FMR1NB: variants seen among roughly 807,000 people sequenced by gnomAD.
FMR1NB encodes FMR1 neighbor protein.
Under a neutral mutation model 16.8 loss-of-function variants are expected in FMR1NB, and 10 were observed. The observed-to-expected ratio is 0.60, with a 90% confidence interval of 0.37 to 1.01. FMR1NB has a LOEUF of 1.01. Among genes scored for constraint, FMR1NB ranks in the 50% least tolerant of loss-of-function variants. The pLI is 0.01. For missense variants in FMR1NB, 205 were observed against 204.8 expected, an observed-to-expected ratio of 1.00 and a Z score of 0.00; for synonymous variants, 83 against 79.1, an observed-to-expected ratio of 1.05 and a Z score of -0.26.
At chrX:147,989,675 C>T (rs1557187416) in intron 1 of FMR1NB, among the ~76,000 whole-genome samples, 1 of 111,910 alleles carries the variant, frequency 8.9e-6, no homozygotes, top group African/African-American at 3.3e-5. Context: ...ATCTTTAAGC[C>T]CTTGACTGGG....
At chrX:147,985,507 C>T (rs7056640) in intron 1 of FMR1NB, among the ~76,000 whole-genome samples, 1,241 of 110,313 alleles carry the variant, frequency 0.011, 19 homozygotes, top group African/African-American at 0.039. Context: ...TGTGATGCTC[C>T]CCTCCCTGTG....
At chrX:147,987,167 A>G (rs1557187167) in intron 1 of FMR1NB, among the ~76,000 whole-genome samples, 1 of 111,468 alleles carries the variant, frequency 9.0e-6, no homozygotes, top group East Asian at 2.8e-4. Flanking sequence ...TTGCACATTG[A>G]TTTTGTATCC....
intron 1 of FMR1NB, among the ~76,000 whole-genome samples, chrX:147,991,364 A>G (rs1199949770): frequency 1.9e-5 from 2 of 107,411 alleles, no homozygotes; most frequent in African/African-American, 3.4e-5. Flanking sequence ...TATAGTTCCA[A>G]CCTCCCTTAT....
intron 4 of FMR1NB, among the ~76,000 whole-genome samples, chrX:148,024,591 A>G (rs782209045): frequency 6.2e-4 from 70 of 112,011 alleles, no homozygotes; most frequent in African/African-American, 2.2e-3. Flanking sequence ...AGTGGGTAAC[A>G]TTGATGTCAG....
chrX:148,008,272 G>T (rs1557189317), intron 3 of FMR1NB: 1 of 170,441 alleles, frequency 5.9e-6, no homozygotes, highest in African/African-American at 3.0e-5. Flanking sequence ...CTCCCCAAGT[G>T]CTCTAGGATA....
In FMR1NB at chrX:148,010,880, C is replaced by T. The variant is rs113244023; in HGVS notation, c.632+2169C>T. ...TTAAGAAAGAGCTGTCATAGCTCTC[C>T]TCTTGGCCTTCGGTTGCAAGCCAAA... On this transcript the variant is annotated intron_variant, in intron 4 of 5. Coordinates refer to ENST00000370467, the MANE Select transcript of FMR1NB (RefSeq NM_152578.3). 4.0e-3 allele frequency among the ~76,000 whole-genome samples: 441 copies of T among 111,306 alleles called. 1 individual carries two copies. Among genetic ancestry groups the T allele is most frequent in the Middle Eastern group, 0.014 (3 of 215 alleles).
In FMR1NB at chrX:148,023,158, T is replaced by G. The variant is rs782681213; in HGVS notation, c.633-1707T>G. Among the ~76,000 whole-genome samples the G allele has an allele frequency of 2.7e-5, 3 of 111,895 alleles. No individual in the cohort carries two copies. The South Asian group carries it at 1.1e-3, about 42-fold the overall frequency. On this transcript the variant is annotated intron_variant, in intron 4 of 5. Coordinates refer to ENST00000370467, the MANE Select transcript of FMR1NB (RefSeq NM_152578.3). ...AATATATCGTGTCATATTACCTTTCTAAATCCAAAAGAATCTGCATTCTCA... is the reference window on the plus strand; with the variant it reads ...AATATATCGTGTCATATTACCTTTCGAAATCCAAAAGAATCTGCATTCTCA...
intron 4 of FMR1NB, among the ~76,000 whole-genome samples, chrX:148,009,009 G>A (rs1166911935): frequency 2.8e-5 from 3 of 108,554 alleles, no homozygotes; most frequent in Non-Finnish European, 5.7e-5. Context: ...GCGAAACCCC[G>A]TTTCTATTAA....
chrX:148,015,231 C>T (rs934252913), intron 4 of FMR1NB, among the ~76,000 whole-genome samples: 18 of 111,305 alleles, frequency 1.6e-4, no homozygotes, highest in African/African-American at 5.9e-4. Flanking sequence ...CTTAGTCTGG[C>T]TAAAGGTTTG....
chrX:148,026,421 G>C (rs190368315), intron 5 of FMR1NB, 81 bp from the exon 6 acceptor site: 7 of 110,920 alleles, frequency 6.3e-5, no homozygotes, highest in Non-Finnish European at 1.3e-4. Context: ...TTTGTTGCAG[G>C]GACTTCTTTT....
intron 4 of FMR1NB, 116 bp from the exon 5 acceptor site, chrX:148,024,749 A>C: frequency 1.1e-6 from 1 of 899,188 alleles, no homozygotes. Flanking sequence ...GTGAGTTAAA[A>C]ATATCAGGTG....
intron 4 of FMR1NB, among the ~76,000 whole-genome samples, chrX:148,014,171 T>C (rs1276291118): frequency 1.8e-5 from 2 of 111,095 alleles, no homozygotes; most frequent in Non-Finnish European, 3.8e-5. Flanking sequence ...GAGATTCTTA[T>C]AGGAGAGACA....
intron 1 of FMR1NB, among the ~76,000 whole-genome samples, chrX:147,990,654 T>C (rs1034494850): frequency 2.7e-5 from 3 of 111,958 alleles, no homozygotes; most frequent in Admixed American, 1.9e-4. Flanking sequence ...CAAATTATTA[T>C]TAACTATAAT....
At chrX:147,982,926 A>G (rs1557186791) in intron 1 of FMR1NB, among the ~76,000 whole-genome samples, 1 of 112,371 alleles carries the variant, frequency 8.9e-6, no homozygotes, top group Non-Finnish European at 1.9e-5. Flanking sequence ...AGTGAAATTC[A>G]TATAACATAA....
intron 4 of FMR1NB, among the ~76,000 whole-genome samples, chrX:148,024,527 G>A (rs1250448491): frequency 8.9e-6 from 1 of 111,933 alleles, no homozygotes; most frequent in Non-Finnish European, 1.9e-5. Flanking sequence ...CTCTAAACTA[G>A]GAGTGGAAGA....
At chrX:148,013,188 G>C (rs1557189792) in intron 4 of FMR1NB, among the ~76,000 whole-genome samples, 1 of 111,707 alleles carries the variant, frequency 9.0e-6, no homozygotes, top group Admixed American at 9.5e-5. Context: ...TCATATGTCT[G>C]AGGTGTTCTC....
rs782631524 is a variant in FMR1NB, at chrX:147,981,395, C to A, written c.-8C>A. 2.5e-6 allele frequency: 3 copies of A among 1,202,573 alleles called. No homozygotes were observed. Among genetic ancestry groups the A allele is most frequent in the East Asian group, 6.0e-5 (2 of 33,533 alleles). ...AGGCAGCGTCTCAGCGAGGCGGCAC[C>A]CGGAGCCATGTCTTCACATAGGAGG... is the stretch of plus-strand genomic sequence containing the variant. On this transcript the variant is annotated 5_prime_UTR_variant, in exon 1 of 6. Coordinates refer to ENST00000370467, the MANE Select transcript of FMR1NB (RefSeq NM_152578.3).
At chrX:148,001,981 A>G (rs1234188680) in intron 1 of FMR1NB, among the ~76,000 whole-genome samples, 2 of 111,047 alleles carry the variant, frequency 1.8e-5, no homozygotes, top group Non-Finnish European at 3.8e-5. Context: ...ACACACTCCA[A>G]AATATACTCC....
Position 147,981,356 on chromosome X carries a change from A to T in FMR1NB, c.-47A>T, listed in dbSNP as rs1380944335. On this transcript the variant is annotated 5_prime_UTR_variant, in exon 1 of 6. Coordinates refer to ENST00000370467, the MANE Select transcript of FMR1NB (RefSeq NM_152578.3). ...AAGCTTCTGGGCCACGGACTGCCGG[A>T]CCGTTGGGCTGTGAGGCAGCGTCTC... 4.3e-6 allele frequency: 4 copies of T among 937,145 alleles called. No individual in the cohort carries two copies. In the Admixed American group the frequency reaches 1.4e-4, roughly 32 times the overall value. 77.2% of individuals were successfully genotyped at this position (937,145 alleles called of 1,213,427 possible).
Sources: allele counts gnomAD v4.1 joint callset (sites outside exome capture counted in the v4.1 genomes callset), GRCh38; gene constraint gnomAD v4.1.1; transcripts MANE v1.5; gene names NCBI Gene and HGNC (gene_info 2026-07-23, HGNC 2026-07-21).